Variants in LONP2 observed in about 807,000 individuals in gnomAD.
LONP2 encodes the protein lon protease homolog 2, peroxisomal.
Under a neutral mutation model 85.6 loss-of-function variants are expected in LONP2, and 60 were observed. The ratio of observed to expected loss-of-function variants is 0.70; its 90% confidence interval spans 0.57 to 0.87. The LOEUF is 0.87. LONP2 is among the 40% of genes least tolerant of loss of function. The probability of loss-of-function intolerance (pLI) is 0.00; values close to 1 mark genes in which losing one functional copy is unlikely to be tolerated. For synonymous variants in LONP2, 395 were observed against 389.7 expected (o/e 1.01, Z -0.16); for missense variants, 860 against 1,063.5 (o/e 0.81, Z 2.66).
intron 6 of LONP2, among the ~76,000 whole-genome samples, chr16:48,263,946 GT>G (rs1567313223): frequency 6.6e-6 from 1 of 151,690 alleles, no homozygotes; most frequent in Admixed American, 6.6e-5. Flanking sequence ...GGTAGGATCC[GT>G]GATGCCCCAC....
intron 2 of LONP2, 128 bp downstream of exon 2, chr16:48,252,493 A>G (rs1971676253): frequency 1.9e-6 from 1 of 535,368 alleles, no homozygotes; most frequent in South Asian, 3.8e-5. Context: ...GTAACATTAT[A>G]TATTAATTCT....
intron 11 of LONP2, among the ~76,000 whole-genome samples, chr16:48,310,542 G>A (rs990801309): frequency 9.2e-5 from 14 of 151,970 alleles, no homozygotes; most frequent in Admixed American, 9.2e-4. Context: ...AGTACAGACG[G>A]GATTTTGTCA....
intron 13 of LONP2, among the ~76,000 whole-genome samples, 172 bp from the exon 14 acceptor site, chr16:48,347,928 T>TA (rs1214184496): frequency 6.6e-6 from 1 of 152,224 alleles, no homozygotes; most frequent in Non-Finnish European, 1.5e-5. Flanking sequence ...TAATACGACT[T>TA]AGAGTAGAAT....
intron 11 of LONP2, among the ~76,000 whole-genome samples, chr16:48,310,071 AAAC>A (rs1343855206): frequency 3.3e-5 from 5 of 152,050 alleles, no homozygotes; most frequent in African/African-American, 1.2e-4. Flanking sequence ...AAAAAAAAAA[AAAC>A]TATTGTTGAT....
intron 8 of LONP2, among the ~76,000 whole-genome samples, chr16:48,281,262 G>A (rs902069796): frequency 6.6e-6 from 1 of 152,092 alleles, no homozygotes; most frequent in Non-Finnish European, 1.5e-5. Flanking sequence ...TGTAGGATAT[G>A]CCCGTTTCCT....
chr16:48,266,366 G>A (rs927764174), intron 6 of LONP2, among the ~76,000 whole-genome samples: 10 of 150,658 alleles, frequency 6.6e-5, no homozygotes, highest in African/African-American at 9.8e-5. Flanking sequence ...TGTAATTGAC[G>A]TACAGTAAAC....
In LONP2 at chr16:48,336,270, C is replaced by A. The variant is rs1470378544; in HGVS notation, c.1938+1912C>A. Reference sequence around the variant, plus strand: ...TGAGAAATTTTATAAACACTGCTTACCAGTTATCCTTGTTAGCATGGGAGA... The same window carrying A: ...TGAGAAATTTTATAAACACTGCTTAACAGTTATCCTTGTTAGCATGGGAGA... On this transcript the variant is annotated intron_variant, in intron 12 of 14. Transcript: ENST00000285737. The A allele has an allele frequency of 6.8e-6, 3 of 439,420 alleles. No individual in the cohort carries two copies. In the East Asian group the frequency reaches 2.1e-4, roughly 31 times the overall value. 27.2% of individuals were successfully genotyped at this position (439,420 alleles called of 1,614,324 possible). A position where few individuals can be genotyped will look rare whatever the true frequency, so the allele number is the denominator to read the frequency against.
intron 12 of LONP2, among the ~76,000 whole-genome samples, chr16:48,342,161 C>T (rs1959832945): frequency 6.6e-6 from 1 of 152,184 alleles, no homozygotes; most frequent in Non-Finnish European, 1.5e-5. Context: ...TAGTCCCCCA[C>T]CTCATATAAA....
intron 6 of LONP2, among the ~76,000 whole-genome samples, chr16:48,267,453 C>T (rs537351214): frequency 6.6e-6 from 1 of 152,204 alleles, no homozygotes. Context: ...GCGCTTGCAA[C>T]CACACCCAAC....
chr16:48,296,272 C>A lies in LONP2; in HGVS notation c.1534+107C>A, dbSNP rs1010527636. ...TAAAAGAAGTTCATTTGCCAACATA[C>A]AATCTTCAGAAGTTCTGAGGAATGT... On this transcript the variant is annotated intron_variant, in intron 9 of 14. Coordinates refer to ENST00000285737, the MANE Select transcript of LONP2 (RefSeq NM_031490.5). The A allele has an allele frequency of 8.1e-6, 10 of 1,233,162 alleles. No homozygotes were observed. The African/African-American group carries it at 9.1e-5, about 11-fold the overall frequency. 76.4% of individuals were successfully genotyped at this position (1,233,162 alleles called of 1,614,324 possible).
chr16:48,248,367 C>G (rs1336474785), intron 1 of LONP2, among the ~76,000 whole-genome samples: 2 of 151,048 alleles, frequency 1.3e-5, no homozygotes, highest in East Asian at 1.9e-4. Context: ...CCCAAGTGAT[C>G]CACTTGCCTC....
rs139189298 is a variant in LONP2, at chr16:48,291,341, A to G, written c.1384-4674A>G. On this transcript the variant is annotated intron_variant, in intron 8 of 14. Transcript: ENST00000285737. ...AAAGATATACACTTTTAAAAAGCAT[A>G]ATCATACTATATCACACCTAAAGAT... is the stretch of plus-strand genomic sequence containing the variant. Among the ~76,000 whole-genome samples the G allele has an allele frequency of 3.3e-5, 5 of 152,362 alleles. No individual in the cohort carries two copies. In the East Asian group the frequency reaches 9.6e-4, roughly 29 times the overall value.
At chr16:48,293,011 A>G (rs1481804843) in intron 8 of LONP2, among the ~76,000 whole-genome samples, 1 of 152,208 alleles carries the variant, frequency 6.6e-6, no homozygotes, top group Non-Finnish European at 1.5e-5. Flanking sequence ...TAATTTTCCT[A>G]CTTTTTAAAA....
chr16:48,245,865 T>C (rs182429889), intron 1 of LONP2, among the ~76,000 whole-genome samples: 2 of 152,166 alleles, frequency 1.3e-5, no homozygotes, highest in East Asian at 1.9e-4. Context: ...TCAACAAGTA[T>C]CTTCAAACTC....
chr16:48,262,892 C>G lies in LONP2; in HGVS notation c.982+20C>G, dbSNP rs1971907583. ...CAACTGGTAAGCCAAAAAATAACAC[C>G]TGTTTTGCAGTCTAATTGTCACTCA... On this transcript the variant is annotated intron_variant, in intron 6 of 14. Coordinates refer to ENST00000285737, the MANE Select transcript of LONP2 (RefSeq NM_031490.5). 6.7e-7 allele frequency: 1 copy of G among 1,491,646 alleles called. No individual in the cohort carries two copies. The highest frequency in any genetic ancestry group is 9.3e-7 in the Non-Finnish European group (1 of 1,075,552). The allele number at this position is 1,491,646 out of a possible 1,614,324, so 92.4% of individuals were successfully genotyped here.
intron 11 of LONP2, among the ~76,000 whole-genome samples, chr16:48,323,626 C>A (rs1297829509): frequency 1.3e-5 from 2 of 151,140 alleles, no homozygotes; most frequent in Non-Finnish European, 2.9e-5. Context: ...CCACTGCACT[C>A]CAGCCTGGGC....
At chr16:48,279,806 G>C (rs1456758681) in intron 8 of LONP2, among the ~76,000 whole-genome samples, 1 of 152,106 alleles carries the variant, frequency 6.6e-6, no homozygotes, top group Non-Finnish European at 1.5e-5. Flanking sequence ...AACTTACTTT[G>C]TGAAAGTTTT....
chr16:48,331,810 C>T (rs925454321), intron 11 of LONP2, among the ~76,000 whole-genome samples: 8 of 152,198 alleles, frequency 5.3e-5, no homozygotes, highest in South Asian at 2.1e-4. Flanking sequence ...GTGATCCACG[C>T]GCCTCGGCCT....
At chr16:48,299,350 T>C (rs1972749479) in intron 9 of LONP2, among the ~76,000 whole-genome samples, 1 of 151,924 alleles carries the variant, frequency 6.6e-6, no homozygotes. Flanking sequence ...TTTGGGAGGC[T>C]GAGGCTGGTG....
Sources: gnomAD v4.1 joint callset for allele counts (sites outside exome capture counted in the v4.1 genomes callset) on GRCh38, gnomAD v4.1.1 for gene constraint, MANE v1.5 for transcripts, NCBI Gene and HGNC (gene_info 2026-07-23, HGNC 2026-07-21) for gene names.